The following CGN variants were observed in gnomAD, a reference collection of about 807,000 sequenced individuals.
CGN encodes cingulin.
A neutral mutation model predicts 157.1 loss-of-function variants in CGN; 121 were observed. The ratio of observed to expected loss-of-function variants is 0.77; its 90% CI spans 0.66 to 0.90. The LOEUF (loss-of-function observed/expected upper bound fraction) is 0.90, where lower values mean the gene tolerates loss of function less well. Ranked by LOEUF, CGN falls within the 40% of genes least tolerant of loss-of-function variation. The pLI is 0.00. For synonymous variants in CGN, 535 were observed against 607.5 expected (o/e 0.88, Z 1.76); for missense variants, 1,424 against 1,520.9 (o/e 0.94, Z 1.06).
Position 151,530,129 on chromosome 1 carries a change from C to A in CGN, c.2313+14C>A. ...CAGCGGCTGGAGGTCAGTGGTTCTG[C>A]CCTCCCAGCCCTCTCTGCTCAGCCC... On this transcript the variant is annotated intron_variant, in intron 12 of 20. Coordinates refer to ENST00000271636, the MANE Select transcript of CGN (RefSeq NM_020770.3). The A allele has an allele frequency of 6.2e-7, 1 of 1,601,518 alleles. No individual in the cohort carries two copies.
chr1:151,526,055 T>G (rs1664672492), intron 9 of CGN, among the ~76,000 whole-genome samples: 1 of 151,260 alleles, frequency 6.6e-6, no homozygotes, highest in Admixed American at 6.6e-5. Flanking sequence ...GTATTTTTAG[T>G]AGAGATGAGG....
chr1:151,524,496 CA>C lies in CGN; in HGVS notation c.1401+140del, dbSNP rs1664621658. On this transcript the variant is annotated intron_variant, in intron 7 of 20. Transcript: ENST00000271636. This position sits in a 1 kb window ranked among gnomAD's most constrained non-coding sequence, Gnocchi z 4.4. ...TACTCAGTGTGCTTTCAGGTAGATT[CA>C]ATGGTGTGTTGGGACTAGAGTTAGG... is the stretch of plus-strand genomic sequence containing the variant. 1 of 1,363,610 alleles carries C rather than the reference CA, an allele frequency of 7.3e-7. No homozygotes were observed. Among genetic ancestry groups the C allele is most frequent in the Non-Finnish European group, 1.0e-6 (1 of 991,760 alleles). 84.5% of individuals were successfully genotyped at this position (1,363,610 alleles called of 1,614,324 possible). A position where few individuals can be genotyped will look rare whatever the true frequency, so the allele number is the denominator to read the frequency against.
intron 13 of CGN, among the ~76,000 whole-genome samples, chr1:151,531,533 C>T (rs1664837275): frequency 6.6e-6 from 1 of 152,094 alleles, no homozygotes; most frequent in Admixed American, 6.5e-5. Context: ...ACCCAGACAT[C>T]TGTATTCCCA....
chr1:151,535,644 G>T lies in CGN; in HGVS notation c.3039G>T (p.Arg1013=). The change falls in exon 17 of 21, where the codon CGG becomes CGT. Residue 1013 remains arginine, a synonymous_variant. Transcript: ENST00000271636. ...AGCTCATGCAGGAAAGGTCTGCTCG[G>T]CAGGACCTGGAGTGTGACAAAATCT... ...RTELMQERSA[R]QDLECDKISL... 1 of 1,614,140 alleles carries T rather than the reference G, an allele frequency of 6.2e-7. No individual in the cohort carries two copies. Among genetic ancestry groups the T allele is most frequent in the Non-Finnish European group, 8.5e-7 (1 of 1,180,010 alleles).
chr1:151,518,489 A>G lies in CGN; in HGVS notation c.-14-17A>G. 1 of 1,566,436 alleles carries G rather than the reference A, an allele frequency of 6.4e-7. No homozygotes were observed. Among genetic ancestry groups the G allele is most frequent in the South Asian group, 1.2e-5 (1 of 85,334 alleles). On this transcript the variant is annotated splice_polypyrimidine_tract_variant and intron_variant, in intron 1 of 20. Coordinates refer to ENST00000271636, the MANE Select transcript of CGN (RefSeq NM_020770.3). ...TAGTGAAGTCTCTCAGCCTAAACTCATTTCTTCATCTTCTAGGACTCCTCC... is the reference window on the plus strand; with the variant it reads ...TAGTGAAGTCTCTCAGCCTAAACTCGTTTCTTCATCTTCTAGGACTCCTCC...
intron 19 of CGN, 60 bp from the exon 20 acceptor site, chr1:151,536,670 A>C: frequency 6.5e-7 from 1 of 1,536,450 alleles, no homozygotes; most frequent in Non-Finnish European, 8.9e-7. Flanking sequence ...GTTATGGGGG[A>C]GGGTCCCAGG....
chr1:151,536,161 T>C, intron 18 of CGN, 76 bp from the exon 19 acceptor site: 2 of 947,520 alleles, frequency 2.1e-6, no homozygotes, highest in Non-Finnish European at 3.5e-6. Flanking sequence ...GAGGAGTCCT[T>C]GGGGACAGTA....
chr1:151,536,780 G>T lies in CGN; in HGVS notation c.3357G>T (p.Glu1119Asp). ...AGCGTCAGGTGGATGAAGCAGAAGA[G>T]GAAATTGAGCGACTGGACGGCCTGA... ...ALKRQVDEAE[E>D]EIERLDGLRK... The change falls in exon 20 of 21, where the codon GAG becomes GAT. Residue 1119 changes from glutamate (E) to aspartate (D), a missense_variant. By Grantham distance (45) the Glu-to-Asp change is conservative (BLOSUM62 2). This residue lies in a region of CGN where 199 missense variants were observed against 272.2 expected (regional missense o/e 0.73). Transcript: ENST00000271636. The T allele has an allele frequency of 6.2e-7, 1 of 1,614,162 alleles. No homozygotes were observed. Among genetic ancestry groups the T allele is most frequent in the Non-Finnish European group, 8.5e-7 (1 of 1,180,038 alleles).
chr1:151,531,891 ACATCTTATCATTTGTCAATGAAAAATG>A (rs1187728948), intron 13 of CGN, among the ~76,000 whole-genome samples: 13 of 152,206 alleles, frequency 8.5e-5, no homozygotes, highest in African/African-American at 3.1e-4. Context: ...TGAAAAATGC[ACATCTTATCATTTGTCAATGAAAAATG>A]CACATTTTAT....
Position 151,535,055 on chromosome 1 carries a change from G to A in CGN, c.2918G>A (p.Arg973Gln), listed in dbSNP as rs79234959. ...CTTCTGTCCTAGGAAAAAGTCTCACGGCTGGAAACAGAGTTAGATGAGGAG... is the reference window on the plus strand; with the variant it reads ...CTTCTGTCCTAGGAAAAAGTCTCACAGCTGGAAACAGAGTTAGATGAGGAG... ...QLKGLEEKVS[R>Q]LETELDEEKN... The change falls in exon 16 of 21, where the codon CGG becomes CAG. Residue 973 changes from arginine (R) to glutamine (Q), a missense_variant. Arg to Gln is a conservative substitution (Grantham distance 43, BLOSUM62 1). This residue lies in a region of CGN where 199 missense variants were observed against 272.2 expected (regional missense o/e 0.73). Coordinates refer to ENST00000271636, the MANE Select transcript of CGN (RefSeq NM_020770.3). 1.1e-3 allele frequency: 1,712 copies of A among 1,613,730 alleles called. 14 individuals are homozygous for A. The African/African-American group carries it at 0.02, about 19-fold the overall frequency.
intron 5 of CGN, among the ~76,000 whole-genome samples, chr1:151,523,222 G>T (rs1664581545): frequency 6.6e-6 from 1 of 152,202 alleles, no homozygotes; most frequent in Admixed American, 6.5e-5. Flanking sequence ...TCTTTTGAAA[G>T]AAATGTCAGA....
intron 1 of CGN, among the ~76,000 whole-genome samples, chr1:151,514,266 T>C (rs1664360959): frequency 6.6e-6 from 1 of 152,188 alleles, no homozygotes; most frequent in South Asian, 2.1e-4. Flanking sequence ...GTGCTGTTGC[T>C]CAAGGGTCTG....
intron 10 of CGN, 79 bp from the exon 11 acceptor site, chr1:151,529,269 GTA>G: frequency 8.2e-7 from 1 of 1,215,810 alleles, no homozygotes. Context: ...CCTTGGCAGT[GTA>G]TGAGAGTTTC....
intron 6 of CGN, among the ~76,000 whole-genome samples, 194 bp downstream of exon 6, chr1:151,523,755 T>C (rs1459588375): frequency 1.3e-5 from 2 of 152,196 alleles, no homozygotes; most frequent in African/African-American, 4.8e-5. Context: ...AGTGCATGAT[T>C]TGGAGTTAAG....
rs930366345 is a variant in CGN at position 151,524,570 on chromosome 1, C to T, written c.1402-104C>T. The T allele has an allele frequency of 1.7e-6, 2 of 1,191,334 alleles. No homozygotes were observed. The highest frequency in any genetic ancestry group is 1.5e-5 in the African/African-American group (1 of 64,652). The allele number at this position is 1,191,334 out of a possible 1,614,324, so 73.8% of individuals were successfully genotyped here. A position where few individuals can be genotyped will look rare whatever the true frequency, so the allele number is the denominator to read the frequency against. ...GGCTCCAGTACTGGTACTAGAGCAC[C>T]TGGTACTGTGCCTAATACGATAAAT... On this transcript the variant is annotated intron_variant, in intron 7 of 20. Coordinates refer to ENST00000271636, the MANE Select transcript of CGN (RefSeq NM_020770.3). The surrounding 1 kb of genome is among the most constrained non-coding windows in gnomAD (Gnocchi z 4.4).
chr1:151,537,414 C>T lies in CGN; in HGVS notation c.*68C>T. On this transcript the variant is annotated 3_prime_UTR_variant, in exon 21 of 21. Coordinates refer to ENST00000271636, the MANE Select transcript of CGN (RefSeq NM_020770.3). ...CCCAGCAAGTGCTGCTCTGCTCTGCCCACCCTGGGTTCTGCATTCCTATGG... is the reference window on the plus strand; with the variant it reads ...CCCAGCAAGTGCTGCTCTGCTCTGCTCACCCTGGGTTCTGCATTCCTATGG... The T allele has an allele frequency of 6.8e-7, 1 of 1,463,044 alleles. No individual in the cohort carries two copies. The highest frequency in any genetic ancestry group is 9.4e-7 in the Non-Finnish European group (1 of 1,069,054). The allele number at this position is 1,463,044 out of a possible 1,614,324, so 90.6% of individuals were successfully genotyped here. A position where few individuals can be genotyped will look rare whatever the true frequency, so the allele number is the denominator to read the frequency against.
intron 14 of CGN, 112 bp from the exon 15 acceptor site, chr1:151,533,863 T>A (rs1349893628): frequency 8.6e-6 from 8 of 926,492 alleles, no homozygotes; most frequent in African/African-American, 3.5e-5. Flanking sequence ...CACTGGTAAT[T>A]CTAAAGAGTG....
chr1:151,529,127 G>A (rs1664766614), intron 10 of CGN, among the ~76,000 whole-genome samples: 1 of 152,092 alleles, frequency 6.6e-6, no homozygotes, highest in Non-Finnish European at 1.5e-5. Flanking sequence ...AAGTTTTTTT[G>A]TGAACACATA....
At chr1:151,537,047 C>T (rs1311143312) in intron 20 of CGN, among the ~76,000 whole-genome samples, 154 bp downstream of exon 20, 1 of 152,166 alleles carries the variant, frequency 6.6e-6, no homozygotes, top group Non-Finnish European at 1.5e-5. Context: ...ATTAGTATCT[C>T]AGCCACCATC....
Sources: gnomAD v4.1 joint callset for allele counts (sites outside exome capture counted in the v4.1 genomes callset) on GRCh38, gnomAD v4.1.1 for gene constraint, gnomAD v4.1.1 regional missense constraint, Gnocchi (gnomAD v3.1) non-coding constraint, MANE v1.5 for transcripts, NCBI Gene and HGNC (gene_info 2026-07-23, HGNC 2026-07-21) for gene names.